Variants in C1orf159 observed in about 807,000 individuals in gnomAD.
The protein encoded by C1orf159 is chromosome 1 open reading frame 159.
A neutral mutation model predicts 25.6 loss-of-function variants in C1orf159; 19 were observed. The observed-to-expected ratio is 0.74, with a 90% CI of 0.52 to 1.09. C1orf159 has a LOEUF of 1.09. Among genes scored for constraint, C1orf159 ranks in the 50% least tolerant of loss-of-function variants. The pLI, the probability that C1orf159 is intolerant of heterozygous loss-of-function variation, is 0.00. For missense variants in C1orf159, 274 were observed against 290.6 expected, an observed-to-expected ratio of 0.94 and a Z score of 0.42; for synonymous variants, 139 against 124.7, an observed-to-expected ratio of 1.12 and a Z score of -0.77.
Position 1,084,193 on chromosome 1 carries a change from C to T in C1orf159, c.502+160G>A, listed in dbSNP as rs553427569. On this transcript the variant is annotated intron_variant, in intron 9 of 9. Transcript: ENST00000421241. Reference sequence around the variant, plus strand: ...CAGAGCAGGGGGCACCAGCCAAATCCGGCCCTGGCCCTGCCTTGTGGGTGG... The same window carrying T: ...CAGAGCAGGGGGCACCAGCCAAATCTGGCCCTGGCCCTGCCTTGTGGGTGG... 5.2e-5 allele frequency: 80 copies of T among 1,524,160 alleles called. 1 individual carries two copies. Among genetic ancestry groups the T allele is most frequent in the South Asian group, 4.0e-4 (31 of 76,558 alleles). 94.4% of individuals were successfully genotyped at this position (1,524,160 alleles called of 1,614,324 possible). A position where few individuals can be genotyped will look rare whatever the true frequency, so the allele number is the denominator to read the frequency against.
chr1:1,083,042 G>T, intron 9 of C1orf159, 55 bp from the exon 10 acceptor site: 1 of 1,437,034 alleles, frequency 7.0e-7, no homozygotes, highest in Non-Finnish European at 9.5e-7. Flanking sequence ...AGCAGGGACA[G>T]TGCAGGCCTC....
chr1:1,115,485 C>G (rs986003137), intron 1 of C1orf159, among the ~76,000 whole-genome samples: 1 of 146,880 alleles, frequency 6.8e-6, no homozygotes, highest in African/African-American at 2.5e-5. Flanking sequence ...GTCCCATCCC[C>G]TCCCCAGGGA....
In C1orf159 at chr1:1,082,906, A is replaced by C. The variant is rs1286774191; in HGVS notation, c.584T>G (p.Ile195Ser). 2 of 1,594,266 alleles carry C rather than the reference A, an allele frequency of 1.3e-6. No homozygotes were observed. Among genetic ancestry groups the C allele is most frequent in the African/African-American group, 2.7e-5 (2 of 74,558 alleles). ...DPAAFPGEAR[I>S]SNV ...TCGGCCTCCAGGTCAGACATTGCTGATACGGGCCTCCCCCGGGAAGGCAGC... is the reference window on the plus strand; with the variant it reads ...TCGGCCTCCAGGTCAGACATTGCTGCTACGGGCCTCCCCCGGGAAGGCAGC... Residue 195 changes from isoleucine (I) to serine (S), a missense_variant, in exon 10 of 10, where the codon ATC (isoleucine) becomes AGC (serine). Physicochemically the swap from Ile to Ser is moderately radical, Grantham distance 142. Coordinates refer to ENST00000421241, the MANE Select transcript of C1orf159 (RefSeq NM_017891.5).
At chr1:1,108,414 T>TG (rs1646208280) in intron 1 of C1orf159, among the ~76,000 whole-genome samples, 2 of 109,968 alleles carry the variant, frequency 1.8e-5, no homozygotes, top group Admixed American at 8.8e-5. Context: ...CCACCATGTC[T>TG]CAGCAGCACC....
At chr1:1,101,646 A>T (rs897798126) in intron 1 of C1orf159, among the ~76,000 whole-genome samples, 4 of 151,954 alleles carry the variant, frequency 2.6e-5, no homozygotes, top group African/African-American at 9.7e-5. Context: ...TCTATCAATC[A>T]GCTCACAGTC....
At chr1:1,084,092 G>A (rs1645788715) in intron 9 of C1orf159, 2 of 1,600,006 alleles carry the variant, frequency 1.3e-6, no homozygotes, top group African/African-American at 1.3e-5. Context: ...CACGTCTCGG[G>A]AACAGGAAAG....
At chr1:1,109,064 C>T (rs200154654) in intron 1 of C1orf159, among the ~76,000 whole-genome samples, 3 of 149,022 alleles carry the variant, frequency 2.0e-5, no homozygotes, top group Non-Finnish European at 3.0e-5. Context: ...CACCATGTCT[C>T]GGCACCGTTC....
chr1:1,088,405 T>C (rs1311810181), intron 4 of C1orf159, among the ~76,000 whole-genome samples: 2 of 117,722 alleles, frequency 1.7e-5, no homozygotes, highest in Non-Finnish European at 3.4e-5. Flanking sequence ...TGTTCCCTCA[T>C]GCCGCCCAAG....
chr1:1,090,446 G>A lies in C1orf159; in HGVS notation c.73-18C>T. The A allele has an allele frequency of 1.3e-6, 2 of 1,550,208 alleles. No individual in the cohort carries two copies. Among genetic ancestry groups the A allele is most frequent in the Non-Finnish European group, 1.7e-6 (2 of 1,146,764 alleles). On this transcript the variant is annotated intron_variant, in intron 3 of 9. Coordinates refer to ENST00000421241, the MANE Select transcript of C1orf159 (RefSeq NM_017891.5). ...AGCTGGGCCTGGAGGGGACACGGCA[G>A]TGAAACTCCAGGACGCGCCTGCCAG...
intron 1 of C1orf159, among the ~76,000 whole-genome samples, chr1:1,113,023 C>T (rs564422918): frequency 1.3e-5 from 2 of 152,218 alleles, no homozygotes; most frequent in South Asian, 4.1e-4. Context: ...TGCAGAAACC[C>T]CTTCTCTACT....
In C1orf159 at chr1:1,082,484, A is replaced by G. The variant is rs1645757437; in HGVS notation, c.*409T>C. The G allele has an allele frequency of 8.2e-6, 2 of 244,356 alleles. No individual in the cohort carries two copies. The highest frequency in any genetic ancestry group is 5.2e-5 in the Admixed American group (1 of 19,184). The allele number at this position is 244,356 out of a possible 1,614,324, so 15.1% of individuals were successfully genotyped here. A position where few individuals can be genotyped will look rare whatever the true frequency, so the allele number is the denominator to read the frequency against. On this transcript the variant is annotated 3_prime_UTR_variant, in exon 10 of 10. Coordinates refer to ENST00000421241, the MANE Select transcript of C1orf159 (RefSeq NM_017891.5). ...GGGCCACTGGGTGTGGTGGTGCTGG[A>G]GGAGTCCTGCCCGCTGTGGGCTCTG... is the stretch of plus-strand genomic sequence containing the variant.
chr1:1,090,285 G>A, intron 4 of C1orf159, 68 bp downstream of exon 4: 1 of 1,450,714 alleles, frequency 6.9e-7, no homozygotes, highest in Admixed American at 2.0e-5. Flanking sequence ...CGAGGGGAGG[G>A]CCCTGGGCAC....
Position 1,082,631 on chromosome 1 carries a change from C to T in C1orf159, c.*262G>A, listed in dbSNP as rs1024500453. 1 of 517,502 alleles carries T rather than the reference C, an allele frequency of 1.9e-6. No homozygotes were observed. Among genetic ancestry groups the T allele is most frequent in the African/African-American group, 2.0e-5 (1 of 51,080 alleles). The allele number at this position is 517,502 out of a possible 1,614,324, so 32.1% of individuals were successfully genotyped here. A position where few individuals can be genotyped will look rare whatever the true frequency, so the allele number is the denominator to read the frequency against. On this transcript the variant is annotated 3_prime_UTR_variant, in exon 10 of 10. Transcript: ENST00000421241. The stretch of plus-strand genomic sequence containing the variant: ...TGTTTCCTGGGGGGGCCCGGACCCC[C>T]CAAGGCCTCGATCTGAAGCTCTGAG...
chr1:1,108,732 C>T (rs1364254011), intron 1 of C1orf159, among the ~76,000 whole-genome samples: 3 of 43,714 alleles, frequency 6.9e-5, no homozygotes, highest in Non-Finnish European at 4.6e-5. Context: ...GCAGCACCGT[C>T]CACCACAGCC....
intron 1 of C1orf159, among the ~76,000 whole-genome samples, chr1:1,111,934 A>G (rs190398488): frequency 4.6e-5 from 7 of 152,310 alleles, no homozygotes; most frequent in Non-Finnish European, 7.4e-5. Context: ...GAAAACAAAT[A>G]CCGCAAACCC....
At position 1,091,492 on chromosome 1, in the gene C1orf159, T is replaced by C. The variant is rs1645934532; in HGVS notation, c.52A>G (p.Ser18Gly). Residue 18 changes from serine (S) to glycine (G), a missense_variant, in exon 3 of 10, where the codon AGC becomes GGC. Physicochemically the swap from Ser to Gly is moderately conservative, Grantham distance 56 (BLOSUM62 0). Coordinates refer to ENST00000421241, the MANE Select transcript of C1orf159 (RefSeq NM_017891.5). ...CCTACCGTGTTCTCCATGGACTTGC[T>C]GGCGACTCCCACGAGAAGGCCAGCC... ...LLAGLLVGVA[S>G]KSMENTAQLP... 1 of 1,550,090 alleles carries C rather than the reference T, an allele frequency of 6.5e-7. No individual in the cohort carries two copies. The highest frequency in any genetic ancestry group is 8.7e-7 in the Non-Finnish European group (1 of 1,146,878).
Position 1,084,460 on chromosome 1 carries a change from C to T in C1orf159, c.471+21G>A, listed in dbSNP as rs546951733. The T allele has an allele frequency of 1.4e-5, 22 of 1,569,696 alleles. No homozygotes were observed. The East Asian group carries it at 2.1e-4, about 15-fold the overall frequency. On this transcript the variant is annotated intron_variant, in intron 8 of 9. Transcript: ENST00000421241. ...CACACGCGGCCAGGGACGCTCAGCCCGGATGATGTGGGTTACTTACGGCTT... is the reference window on the plus strand; with the variant it reads ...CACACGCGGCCAGGGACGCTCAGCCTGGATGATGTGGGTTACTTACGGCTT...
intron 9 of C1orf159, 29 bp from the exon 10 acceptor site, chr1:1,083,016 A>T (rs1227711607): frequency 6.5e-7 from 1 of 1,547,766 alleles, no homozygotes; most frequent in Non-Finnish European, 8.8e-7. Flanking sequence ...AGGCGAGGTC[A>T]GAGTGGGACC....
At chr1:1,086,598 C>A (rs887860556) in intron 6 of C1orf159, among the ~76,000 whole-genome samples, 1 of 152,222 alleles carries the variant, frequency 6.6e-6, no homozygotes, top group Non-Finnish European at 1.5e-5. Context: ...TTGGGGGCCT[C>A]GCTCCTTCCT....
Sources: allele counts gnomAD v4.1 joint callset (sites outside exome capture counted in the v4.1 genomes callset), GRCh38; gene constraint gnomAD v4.1.1; transcripts MANE v1.5; gene names NCBI Gene and HGNC (gene_info 2026-07-23, HGNC 2026-07-21).